The following FSD2 variants were observed in gnomAD, a reference collection of about 807,000 sequenced individuals.
The protein encoded by FSD2 is fibronectin type III and SPRY domain containing 2.
In FSD2, 71 loss-of-function variants were observed where a neutral mutation model predicts 80.4. The ratio of observed to expected loss-of-function variants is 0.88; its 90% CI spans 0.73 to 1.08. The LOEUF (loss-of-function observed/expected upper bound fraction) is 1.08. FSD2 is among the 50% of genes least tolerant of loss of function. FSD2 has a pLI of 0.00. For synonymous variants in FSD2, 361 were observed against 329.5 expected, an observed-to-expected ratio of 1.10 and a Z score of -1.03; for missense variants, 923 against 913.8, an observed-to-expected ratio of 1.01 and a Z score of -0.13.
In FSD2 at chr15:82,783,042, C is replaced by T; in HGVS notation, c.736-17G>A. 3.2e-6 allele frequency: 5 copies of T among 1,554,508 alleles called. No individual in the cohort carries two copies. The highest frequency in any genetic ancestry group is 4.4e-6 in the Non-Finnish European group (5 of 1,130,134). On this transcript the variant is annotated splice_polypyrimidine_tract_variant and intron_variant, in intron 3 of 12. Transcript: ENST00000334574. ...AAAATTCTCCTGCAAGACAGTTGAT[C>T]TCAGTCATCATTTCAGCGCATGTAG...
intron 6 of FSD2, 36 bp downstream of exon 6, chr15:82,778,730 C>T (rs1478318123): frequency 6.4e-7 from 1 of 1,564,440 alleles, no homozygotes; most frequent in Non-Finnish European, 8.7e-7. Flanking sequence ...TCTGGGTAGT[C>T]TGAACCTGCC....
At position 82,782,819 on chromosome 15, in the gene FSD2, G is replaced by C; in HGVS notation, c.942C>G (p.His314Gln). Residue 314 changes from histidine to glutamine, a missense_variant, in exon 4 of 13, where the codon CAC becomes CAG. Transcript: ENST00000334574. The part of the protein sequence containing the change: ...ELMETIEEMC[H>Q]EEKVDFIKDA... ...CCTTTATGAAATCCACCTTCTCCTC[G>C]TGACACATCTCCTCTATTGTTTCCA... is the stretch of plus-strand genomic sequence containing the variant. 6.2e-7 allele frequency: 1 copy of C among 1,611,194 alleles called. No homozygotes were observed. The highest frequency in any genetic ancestry group is 8.5e-7 in the Non-Finnish European group (1 of 1,178,980).
chr15:82,764,815 T>C lies in FSD2; in HGVS notation c.1820+351A>G, dbSNP rs8036854. Among the ~76,000 whole-genome samples the C allele has an allele frequency of 7.6e-3, 1,155 of 152,124 alleles. 14 individuals carry two copies. Among genetic ancestry groups the C allele is most frequent in the African/African-American group, 0.025 (1,041 of 41,500 alleles). The stretch of plus-strand genomic sequence containing the variant: ...TTGTTTGTGCATTTTGTCCAATTCT[T>C]TGTTCAGAACGCCAAGAACTTGGAC... On this transcript the variant is annotated intron_variant, in intron 11 of 12. Transcript: ENST00000334574.
intron 1 of FSD2, among the ~76,000 whole-genome samples, chr15:82,791,050 G>A (rs963692829): frequency 1.3e-5 from 2 of 151,736 alleles, no homozygotes; most frequent in Non-Finnish European, 2.9e-5. Flanking sequence ...CCAGGCTGGA[G>A]TGCAGTGGCG....
chr15:82,777,203 A>G (rs909077691), intron 6 of FSD2, among the ~76,000 whole-genome samples: 2 of 152,368 alleles, frequency 1.3e-5, no homozygotes, highest in Non-Finnish European at 2.9e-5. Flanking sequence ...CACAAGCAAC[A>G]AAACAAAAAA....
chr15:82,796,000 C>CTTT (rs143711664), intron 1 of FSD2, among the ~76,000 whole-genome samples: 3 of 117,494 alleles, frequency 2.6e-5, no homozygotes, highest in South Asian at 2.8e-4. Flanking sequence ...TTTTTCTTTT[C>CTTT]TTTTTTTTTT....
rs777534333 is a variant in FSD2, at chr15:82,778,906, A to G, written c.990-19T>C. On this transcript the variant is annotated intron_variant, in intron 5 of 12. Transcript: ENST00000334574. ...CCCGAGTCTGTTGGTATAAAAAGAC[A>G]TGCTGACTAGAATGGAGGGGCATTC... 4 of 1,613,684 alleles carry G rather than the reference A, an allele frequency of 2.5e-6. No homozygotes were observed. Among genetic ancestry groups the G allele is most frequent in the African/African-American group, 2.7e-5 (2 of 74,934 alleles).
chr15:82,794,282 G>T (rs910096235), intron 1 of FSD2, among the ~76,000 whole-genome samples: 1 of 152,038 alleles, frequency 6.6e-6, no homozygotes, highest in Non-Finnish European at 1.5e-5. Flanking sequence ...ATATTTGTGA[G>T]TTTTCCAACT....
chr15:82,800,691 C>CAAAAAAAAAAA (rs769762172), intron 1 of FSD2, among the ~76,000 whole-genome samples: 4,709 of 47,802 alleles, frequency 0.099, 710 homozygotes, highest in Non-Finnish European at 0.13. Context: ...GATTCTGTCT[C>CAAAAAAAAAAA]AAAAAAAAAA....
In FSD2 at chr15:82,756,745, C is replaced by G. The variant is rs1480395094; in HGVS notation, c.*2603G>C. ...CTTTGTTAAGGTGGGGAGGCCACAG[C>G]TTATGTGAATGACTTTCTCAGGAGT... On this transcript the variant is annotated 3_prime_UTR_variant, in exon 13 of 13. Transcript: ENST00000334574. 6.6e-6 allele frequency: 1 copy of G among 152,172 alleles called. No homozygotes were observed. Among genetic ancestry groups the G allele is most frequent in the Non-Finnish European group, 1.5e-5 (1 of 68,030 alleles). 9.4% of individuals were successfully genotyped at this position (152,172 alleles called of 1,614,324 possible). A position where few individuals can be genotyped will look rare whatever the true frequency, so the allele number is the denominator to read the frequency against.
At chr15:82,769,180 A>G in intron 8 of FSD2, 150 bp from the exon 9 acceptor site, 1 of 656,908 alleles carries the variant, frequency 1.5e-6, no homozygotes, top group Non-Finnish European at 2.3e-6. Flanking sequence ...TCCCTTCCAG[A>G]TGTTCCTGGA....
At chr15:82,776,316 T>C (rs1230398107) in intron 6 of FSD2, among the ~76,000 whole-genome samples, 1 of 152,140 alleles carries the variant, frequency 6.6e-6, no homozygotes, top group Non-Finnish European at 1.5e-5. Flanking sequence ...CAATAAAAGA[T>C]ACTTGATAGA....
In FSD2 at chr15:82,762,248, T is replaced by C; in HGVS notation, c.1851A>G (p.Pro617=). 1 of 1,613,920 alleles carries C rather than the reference T, an allele frequency of 6.2e-7. No individual in the cohort carries two copies. Among genetic ancestry groups the C allele is most frequent in the African/African-American group, 1.3e-5 (1 of 75,060 alleles). The change falls in exon 12 of 13, where the codon CCA becomes CCG. Residue 617 remains proline, a synonymous_variant. Transcript: ENST00000334574. ...CCTCCCAGTAATGGTGCCCTCGGAC[T>C]GGAATTAGATTTCCCATGACAGCAA... The part of the protein sequence containing the change: ...RCVAVMGNLI[P]VRGHHYWEVE...
intron 3 of FSD2, among the ~76,000 whole-genome samples, chr15:82,786,161 A>G (rs1045523711): frequency 6.6e-6 from 1 of 152,190 alleles, no homozygotes; most frequent in African/African-American, 2.4e-5. Context: ...AGTGAAGGAG[A>G]GGGATTGTGA....
At chr15:82,763,493 T>C (rs1322342813) in intron 11 of FSD2, among the ~76,000 whole-genome samples, 2 of 152,216 alleles carry the variant, frequency 1.3e-5, no homozygotes, top group Non-Finnish European at 2.9e-5. Context: ...ATTTAGCACT[T>C]GGTAAGCACT....
At chr15:82,800,691 CAAAAA>C (rs769762172) in intron 1 of FSD2, among the ~76,000 whole-genome samples, 1 of 47,820 alleles carries the variant, frequency 2.1e-5, no homozygotes, top group Non-Finnish European at 3.5e-5. Context: ...GATTCTGTCT[CAAAAA>C]AAAAAAAAAA....
intron 6 of FSD2, among the ~76,000 whole-genome samples, chr15:82,772,924 T>C (rs1313716323): frequency 6.6e-6 from 1 of 152,220 alleles, no homozygotes; most frequent in Non-Finnish European, 1.5e-5. Flanking sequence ...CTCGGCTCAC[T>C]GCAGCCTCCA....
intron 1 of FSD2, among the ~76,000 whole-genome samples, chr15:82,797,020 T>TAAAAAAAAAAAAAAA (rs11286584): frequency 1.0e-5 from 1 of 97,378 alleles, no homozygotes; most frequent in Non-Finnish European, 2.2e-5. Flanking sequence ...GCTTGGTAAT[T>TAAAAAAAAAAAAAAA]AAAAAAAAAA....
intron 9 of FSD2, among the ~76,000 whole-genome samples, chr15:82,766,539 C>G (rs1343971844): frequency 6.6e-6 from 1 of 151,910 alleles, no homozygotes; most frequent in African/African-American, 2.4e-5. Context: ...GTCAGGAGTT[C>G]GAGATCAGCC....
Sources: gnomAD v4.1 joint callset for allele counts (sites outside exome capture counted in the v4.1 genomes callset) on GRCh38, gnomAD v4.1.1 for gene constraint, MANE v1.5 for transcripts, NCBI Gene and HGNC (gene_info 2026-07-23, HGNC 2026-07-21) for gene names.